Variants in LCLAT1 observed in about 807,000 individuals in gnomAD.
The protein encoded by LCLAT1 is 1-AGP acyltransferase 8.
LCLAT1 carries 11 observed loss-of-function variants against 30.7 expected under a neutral mutation model. The ratio of observed to expected loss-of-function variants is 0.36; its 90% confidence interval spans 0.23 to 0.59. The LOEUF (loss-of-function observed/expected upper bound fraction) is 0.59, where lower values mean the gene tolerates loss of function less well. Ranked by LOEUF, LCLAT1 falls within the 20% of genes least tolerant of loss-of-function variation. The probability of loss-of-function intolerance (pLI) is 0.77; values close to 1 mark genes in which losing one functional copy is unlikely to be tolerated. For synonymous variants in LCLAT1, 155 were observed against 151.3 expected (o/e 1.02, Z -0.18); for missense variants, 402 against 458.6 (o/e 0.88, Z 1.13).
chr2:30,481,707 C>T (rs1233878115), intron 1 of LCLAT1, among the ~76,000 whole-genome samples: 1 of 152,114 alleles, frequency 6.6e-6, no homozygotes, highest in East Asian at 1.9e-4. Context: ...AGAAAGCTGA[C>T]TGAAGAGGGA....
chr2:30,523,867 AAAAC>A (rs370420579), intron 1 of LCLAT1, among the ~76,000 whole-genome samples: 27 of 152,342 alleles, frequency 1.8e-4, no homozygotes, highest in African/African-American at 5.3e-4. Flanking sequence ...ACGCAATCTC[AAAAC>A]AAACAAACAA....
At chr2:30,616,726 A>T (rs1413536121) in intron 5 of LCLAT1, among the ~76,000 whole-genome samples, 1 of 152,152 alleles carries the variant, frequency 6.6e-6, no homozygotes, top group Non-Finnish European at 1.5e-5. Context: ...TATATCTTGC[A>T]TTAACCAGGA....
At chr2:30,547,252 A>G (rs1186165307) in intron 3 of LCLAT1, among the ~76,000 whole-genome samples, 2 of 152,162 alleles carry the variant, frequency 1.3e-5, no homozygotes, top group African/African-American at 2.4e-5. Flanking sequence ...TGCTATAGCT[A>G]TTACTGTCAC....
At chr2:30,626,492 T>TC (rs1668516349) in intron 5 of LCLAT1, among the ~76,000 whole-genome samples, 1 of 151,552 alleles carries the variant, frequency 6.6e-6, no homozygotes, top group Non-Finnish European at 1.5e-5. Flanking sequence ...TCCTTTAAGC[T>TC]CTTCTGTATT....
intron 5 of LCLAT1, among the ~76,000 whole-genome samples, chr2:30,570,204 G>A (rs1665721192): frequency 6.6e-6 from 1 of 152,090 alleles, no homozygotes; most frequent in Admixed American, 6.5e-5. Flanking sequence ...AACAACCACA[G>A]TATGTAATTT....
chr2:30,494,559 C>T (rs1048371344), intron 1 of LCLAT1, among the ~76,000 whole-genome samples: 18 of 48,260 alleles, frequency 3.7e-4, no homozygotes, highest in Non-Finnish European at 2.0e-4. Flanking sequence ...CACACGCATA[C>T]GTGCATACAC....
intron 5 of LCLAT1, among the ~76,000 whole-genome samples, chr2:30,630,522 C>T (rs1302783429): frequency 1.3e-5 from 2 of 152,056 alleles, no homozygotes; most frequent in African/African-American, 4.8e-5. Flanking sequence ...CTTCTATTAC[C>T]TTTTGTAATA....
chr2:30,610,608 C>T (rs1667691534), intron 5 of LCLAT1, among the ~76,000 whole-genome samples: 1 of 152,076 alleles, frequency 6.6e-6, no homozygotes, highest in Non-Finnish European at 1.5e-5. Flanking sequence ...TGATGTCACT[C>T]TGCTAAATTC....
intron 1 of LCLAT1, among the ~76,000 whole-genome samples, chr2:30,496,883 A>G (rs1558476631): frequency 6.6e-6 from 1 of 152,178 alleles, no homozygotes; most frequent in Non-Finnish European, 1.5e-5. Context: ...TAAAAGCCCA[A>G]AATCAAAACA....
At chr2:30,636,626 T>A (rs1482664036) in intron 5 of LCLAT1, among the ~76,000 whole-genome samples, 1 of 152,128 alleles carries the variant, frequency 6.6e-6, no homozygotes, top group Admixed American at 6.5e-5. Context: ...GCCATCAAAC[T>A]TGCCATCTCA....
At chr2:30,448,507 C>T (rs972062314) in intron 1 of LCLAT1, among the ~76,000 whole-genome samples, 3 of 152,148 alleles carry the variant, frequency 2.0e-5, no homozygotes, top group African/African-American at 7.2e-5. Flanking sequence ...GGAGTAGTAC[C>T]TTGTTCTGTA....
chr2:30,490,093 A>G (rs1683766391), intron 1 of LCLAT1, among the ~76,000 whole-genome samples: 1 of 152,040 alleles, frequency 6.6e-6, no homozygotes. Flanking sequence ...ATTTTTTACA[A>G]CTGAGGAAGT....
intron 5 of LCLAT1, among the ~76,000 whole-genome samples, chr2:30,630,188 C>A (rs183875189): frequency 1.3e-5 from 2 of 152,282 alleles, no homozygotes; most frequent in Admixed American, 1.3e-4. Context: ...TTCCTGGTGT[C>A]CCCTCCTCTT....
chr2:30,547,029 T>G (rs754278832), intron 3 of LCLAT1, among the ~76,000 whole-genome samples: 1 of 151,356 alleles, frequency 6.6e-6, no homozygotes, highest in Non-Finnish European at 1.5e-5. Context: ...CCCACAGGAC[T>G]CAGTAACACT....
At chr2:30,505,972 G>T (rs2148350147) in intron 1 of LCLAT1, among the ~76,000 whole-genome samples, 1 of 152,178 alleles carries the variant, frequency 6.6e-6, no homozygotes, top group African/African-American at 2.4e-5. Context: ...AGAACTCTCA[G>T]ACTTCCCCCA....
At chr2:30,618,611 G>A (rs981950794) in intron 5 of LCLAT1, among the ~76,000 whole-genome samples, 32 of 152,034 alleles carry the variant, frequency 2.1e-4, no homozygotes, top group African/African-American at 7.7e-4. Flanking sequence ...TTGGGTACTG[G>A]ACTTAATAAC....
At chr2:30,497,399 A>G (rs924951352) in intron 1 of LCLAT1, among the ~76,000 whole-genome samples, 2 of 152,230 alleles carry the variant, frequency 1.3e-5, no homozygotes, top group African/African-American at 4.8e-5. Flanking sequence ...GGTATAATCA[A>G]GGATAAAAAT....
intron 3 of LCLAT1, among the ~76,000 whole-genome samples, chr2:30,546,085 A>G (rs1443564706): frequency 6.6e-6 from 1 of 152,140 alleles, no homozygotes; most frequent in East Asian, 1.9e-4. Context: ...CCACATTGTG[A>G]TATATCTAGA....
At chr2:30,529,681 C>T (rs1685896119) in intron 2 of LCLAT1, among the ~76,000 whole-genome samples, 2 of 152,158 alleles carry the variant, frequency 1.3e-5, no homozygotes, top group African/African-American at 4.8e-5. Flanking sequence ...GCACAAGTTT[C>T]TTCCACAGCC....
Sources: gnomAD v4.1 joint callset for allele counts (sites outside exome capture counted in the v4.1 genomes callset) on GRCh38, gnomAD v4.1.1 for gene constraint, MANE v1.5 for transcripts, NCBI Gene and HGNC (gene_info 2026-07-23, HGNC 2026-07-21) for gene names.